The following TENM2 variants were observed in gnomAD, a reference collection of about 807,000 sequenced individuals.
TENM2 encodes teneurin-2.
TENM2 carries 52 observed loss-of-function variants against 245.2 expected under a neutral mutation model. The ratio of observed to expected loss-of-function variants is 0.21; its 90% CI spans 0.17 to 0.27. The LOEUF is 0.27. Among genes scored for constraint, TENM2 ranks in the 10% least tolerant of loss-of-function variants. The pLI is 1.00. For synonymous variants in TENM2, 1,363 were observed against 1,438.9 expected, an observed-to-expected ratio of 0.95 and a Z score of 1.19; for missense variants, 3,046 against 3,666.8, an observed-to-expected ratio of 0.83 and a Z score of 4.37.
At chr5:167,470,881 C>T (rs1258957711) in intron 2 of TENM2, among the ~76,000 whole-genome samples, 1 of 152,082 alleles carries the variant, frequency 6.6e-6, no homozygotes, top group Non-Finnish European at 1.5e-5. Flanking sequence ...GGTCTGTCAT[C>T]TATATAGGGT....
intron 2 of TENM2, among the ~76,000 whole-genome samples, chr5:167,415,188 T>G (rs1330944755): frequency 6.6e-6 from 1 of 152,148 alleles, no homozygotes; most frequent in East Asian, 1.9e-4. Context: ...TATCACCATT[T>G]CAACTGTAGG....
chr5:168,065,329 G>A (rs1237188568), intron 7 of TENM2, among the ~76,000 whole-genome samples: 2 of 152,150 alleles, frequency 1.3e-5, no homozygotes, highest in African/African-American at 4.8e-5. Context: ...TAGAGATACA[G>A]AGACAACATT....
intron 7 of TENM2, among the ~76,000 whole-genome samples, chr5:168,079,891 C>CT (rs906442655): frequency 3.3e-5 from 5 of 152,222 alleles, no homozygotes; most frequent in African/African-American, 7.2e-5. Context: ...CTAAAATTCT[C>CT]TTTTTTTGTT....
the TENM2 span, among the ~76,000 whole-genome samples, chr5:167,231,350 C>T: frequency 2.0e-5 from 3 of 152,154 alleles, no homozygotes; most frequent in Admixed American, 6.5e-5. Flanking sequence ...TGTTGAATAG[C>T]TTTGACCAAA....
At chr5:167,217,842 C>G in the TENM2 span, among the ~76,000 whole-genome samples, 1 of 151,212 alleles carries the variant, frequency 6.6e-6, no homozygotes, top group East Asian at 1.9e-4. Flanking sequence ...TCCATAGAAG[C>G]CGACTATGAG....
chr5:168,211,757 A>G lies in TENM2; in HGVS notation c.3845+3A>G. ...AGAAATAAAGAGTTTAAACATAGGT[A>G]AGATGAAGAACTCTTTCCCATATAA... On this transcript the variant is annotated splice_donor_region_variant and intron_variant, in intron 20 of 28. Coordinates refer to ENST00000518659, the Ensembl canonical transcript of TENM2. 4 of 1,351,504 alleles carry G rather than the reference A, an allele frequency of 3.0e-6. No individual in the cohort carries two copies. The highest frequency in any genetic ancestry group is 4.1e-6 in the Non-Finnish European group (4 of 983,502). The allele number at this position is 1,351,504 out of a possible 1,614,324, so 83.7% of individuals were successfully genotyped here.
chr5:168,199,456 G>A (rs1168150723), intron 16 of TENM2, among the ~76,000 whole-genome samples: 1 of 152,228 alleles, frequency 6.6e-6, no homozygotes, highest in East Asian at 1.9e-4. Context: ...TGTTACGACA[G>A]AGGGCATATT....
the TENM2 span, among the ~76,000 whole-genome samples, chr5:167,059,157 T>A: frequency 2.6e-5 from 4 of 152,206 alleles, no homozygotes; most frequent in African/African-American, 9.6e-5. Flanking sequence ...AAGGTAACAC[T>A]GGAATTCCCT....
intron 5 of TENM2, among the ~76,000 whole-genome samples, chr5:168,027,508 T>C (rs1221113162): frequency 6.6e-6 from 1 of 152,216 alleles, no homozygotes; most frequent in Non-Finnish European, 1.5e-5. Context: ...CTGGACTGCC[T>C]TTTGTGTATC....
intron 2 of TENM2, among the ~76,000 whole-genome samples, chr5:167,556,575 G>A (rs763583147): frequency 2.0e-5 from 3 of 152,004 alleles, no homozygotes; most frequent in African/African-American, 2.4e-5. Flanking sequence ...TTGTTTCCAC[G>A]GGCACTTAAT....
chr5:167,443,992 G>A (rs143879067), intron 2 of TENM2, among the ~76,000 whole-genome samples: 96 of 151,942 alleles, frequency 6.3e-4, no homozygotes, highest in Admixed American at 5.8e-3. Flanking sequence ...ACTTAAAATA[G>A]CCCTAAAATA....
chr5:168,044,274 C>A (rs776729254), intron 5 of TENM2, among the ~76,000 whole-genome samples: 2 of 152,110 alleles, frequency 1.3e-5, no homozygotes, highest in Non-Finnish European at 2.9e-5. Context: ...ACAAAATTAG[C>A]CAAGCATGCG....
At chr5:167,681,625 T>TTATA (rs10669024) in intron 2 of TENM2, among the ~76,000 whole-genome samples, 30,950 of 151,384 alleles carry the variant, frequency 0.2, 3,449 homozygotes, top group East Asian at 0.35. Flanking sequence ...ATGTATTTGT[T>TTATA]TATATATATA....
At chr5:167,141,852 G>T in the TENM2 span, among the ~76,000 whole-genome samples, 2 of 152,158 alleles carry the variant, frequency 1.3e-5, no homozygotes, top group Non-Finnish European at 2.9e-5. Context: ...AATAATGTGG[G>T]ACTGATACAT....
chr5:167,962,074 G>C lies in TENM2; in HGVS notation c.947+9252G>C, dbSNP rs1479253151. ...AAAGTGTCCTCTTGACAAATATCTG[G>C]TAGAGAGGACCAATGAAACCACGCA... On this transcript the variant is annotated intron_variant, in intron 4 of 28. Coordinates refer to ENST00000518659, the Ensembl canonical transcript of TENM2. Among the ~76,000 whole-genome samples, 27 of 152,154 alleles carry C rather than the reference G, an allele frequency of 1.8e-4. 1 individual carries two copies.
chr5:167,715,119 G>A (rs1331089109), intron 2 of TENM2, among the ~76,000 whole-genome samples: 1 of 152,084 alleles, frequency 6.6e-6, no homozygotes. Flanking sequence ...GGTCTTGGAA[G>A]GAAGAGGCAG....
At chr5:167,162,349 C>T in the TENM2 span, among the ~76,000 whole-genome samples, 4 of 151,970 alleles carry the variant, frequency 2.6e-5, no homozygotes, top group Non-Finnish European at 4.4e-5. Context: ...ACATAAAAGC[C>T]GGGCATGGTG....
the TENM2 span, among the ~76,000 whole-genome samples, chr5:167,239,701 G>A: frequency 6.6e-6 from 1 of 152,168 alleles, no homozygotes; most frequent in Non-Finnish European, 1.5e-5. Flanking sequence ...CTCAATAAAT[G>A]AAGAAACAGT....
chr5:168,036,208 C>CTGCTGTCATTGCAA (rs1787651887), intron 5 of TENM2, among the ~76,000 whole-genome samples: 1 of 152,174 alleles, frequency 6.6e-6, no homozygotes, highest in Admixed American at 6.5e-5. Flanking sequence ...GAATGTCACT[C>CTGCTGTCATTGCAA]TGCTGTCATT....
Sources: allele counts gnomAD v4.1 joint callset (sites outside exome capture counted in the v4.1 genomes callset), GRCh38; gene constraint gnomAD v4.1.1; transcripts MANE v1.5; gene names NCBI Gene and HGNC (gene_info 2026-07-23, HGNC 2026-07-21).